HS6ST3: variants seen among roughly 807,000 people sequenced by gnomAD.
HS6ST3 encodes heparan-sulfate 6-O-sulfotransferase 3.
In HS6ST3, 12 loss-of-function variants were observed where a neutral mutation model predicts 36.7. That is an observed-to-expected ratio of 0.33 (90% CI 0.21 to 0.53). The LOEUF is 0.53. Ranked by LOEUF, HS6ST3 falls within the 20% of genes least tolerant of loss-of-function variation. HS6ST3 has a pLI of 0.95. For synonymous variants in HS6ST3, 240 were observed against 257.5 expected, an observed-to-expected ratio of 0.93 and a Z score of 0.65; for missense variants, 584 against 640.9, an observed-to-expected ratio of 0.91 and a Z score of 0.96.
intron 1 of HS6ST3, among the ~76,000 whole-genome samples, chr13:96,700,101 G>T (rs892402546): frequency 2.6e-5 from 4 of 152,098 alleles, no homozygotes; most frequent in Non-Finnish European, 5.9e-5. Context: ...CAGCTCTCCT[G>T]TATTAGTCCA....
chr13:96,646,674 C>T (rs955295494), intron 1 of HS6ST3, among the ~76,000 whole-genome samples: 3 of 151,882 alleles, frequency 2.0e-5, no homozygotes, highest in Non-Finnish European at 4.4e-5. Flanking sequence ...TTTCTCATCC[C>T]TTTATGCCGA....
chr13:96,384,483 G>A (rs1392400610), intron 1 of HS6ST3, among the ~76,000 whole-genome samples: 1 of 152,108 alleles, frequency 6.6e-6, no homozygotes, highest in Non-Finnish European at 1.5e-5. Context: ...GTTTGCCAAT[G>A]AGAGTTTTTT....
intron 1 of HS6ST3, among the ~76,000 whole-genome samples, chr13:96,478,000 A>G (rs768360052): frequency 1.2e-4 from 19 of 152,346 alleles, no homozygotes; most frequent in Non-Finnish European, 2.5e-4. Context: ...CTGGGTATCC[A>G]TAAAACAAAG....
chr13:96,453,180 T>TA lies in HS6ST3; in HGVS notation c.707+361627dup, dbSNP rs56996268. On this transcript the variant is annotated intron_variant, in intron 1 of 1. Transcript: ENST00000376705. ...TTGCCCTGGAGGAAAATGCTCTTTT[T>TA]AAAAAAAAAAAAAAAAGAAAAAAAG... Among the ~76,000 whole-genome samples, 577 of 135,778 alleles carry TA rather than the reference T, an allele frequency of 4.2e-3. 3 individuals carry two copies. Among genetic ancestry groups the TA allele is most frequent in the African/African-American group, 0.01 (372 of 36,662 alleles). The allele number at this position is 135,778 out of a possible 152,430, so 89.1% of individuals were successfully genotyped here.
At chr13:96,094,417 A>G (rs555857787) in intron 1 of HS6ST3, among the ~76,000 whole-genome samples, 4 of 152,204 alleles carry the variant, frequency 2.6e-5, no homozygotes, top group Non-Finnish European at 5.9e-5. Flanking sequence ...GAAGATCTGT[A>G]TAAATGGGTC....
intron 1 of HS6ST3, among the ~76,000 whole-genome samples, chr13:96,766,364 A>G (rs1176103415): frequency 6.6e-6 from 1 of 152,146 alleles, no homozygotes; most frequent in Non-Finnish European, 1.5e-5. Context: ...GTGTGTGCTA[A>G]TTGTCTTTTG....
chr13:96,373,596 C>T (rs2055300650), intron 1 of HS6ST3, among the ~76,000 whole-genome samples: 1 of 152,120 alleles, frequency 6.6e-6, no homozygotes, highest in South Asian at 2.1e-4. Flanking sequence ...TTGCATTCCC[C>T]ACCAATTTGA....
chr13:96,718,744 G>A (rs1401642110), intron 1 of HS6ST3, among the ~76,000 whole-genome samples: 5 of 152,138 alleles, frequency 3.3e-5, no homozygotes, highest in Non-Finnish European at 7.4e-5. Context: ...ATTAAAATGC[G>A]TTAAATGACA....
chr13:96,115,663 G>C lies in HS6ST3; in HGVS notation c.707+24094G>C, dbSNP rs117219281. Among the ~76,000 whole-genome samples, 483 of 152,230 alleles carry C rather than the reference G, an allele frequency of 3.2e-3. 1 individual carries two copies. Among genetic ancestry groups the C allele is most frequent in the Middle Eastern group, 0.017 (5 of 294 alleles). ...CAGTCTATCATTGGGCATTCGGGTT[G>C]GTTCCATGACTTTGCTATTGTAAAT... On this transcript the variant is annotated intron_variant, in intron 1 of 1. Transcript: ENST00000376705.
At chr13:96,653,613 T>C (rs902985158) in intron 1 of HS6ST3, among the ~76,000 whole-genome samples, 1 of 152,198 alleles carries the variant, frequency 6.6e-6, no homozygotes. Context: ...CTATCACTGA[T>C]GGGCATTTGG....
chr13:96,769,773 T>TGCGC (rs34112219), intron 1 of HS6ST3, among the ~76,000 whole-genome samples: 16 of 142,168 alleles, frequency 1.1e-4, no homozygotes, highest in Non-Finnish European at 1.7e-4. Context: ...TGTGTGTGTG[T>TGCGC]GCGCACATAT....
chr13:96,702,365 G>A (rs147809011), intron 1 of HS6ST3, among the ~76,000 whole-genome samples: 1 of 152,344 alleles, frequency 6.6e-6, no homozygotes, highest in Non-Finnish European at 1.5e-5. Context: ...CATTCTGGCA[G>A]TTCAATGTCC....
chr13:96,399,228 C>G lies in HS6ST3; in HGVS notation c.707+307659C>G, dbSNP rs140297860. ...CTATGTTATTAATTTTTAATTAGAG[C>G]AAAATAAAATCTAGTTTTTAATTTT... On this transcript the variant is annotated intron_variant, in intron 1 of 1. Transcript: ENST00000376705. Among the ~76,000 whole-genome samples, 4 of 152,256 alleles carry G rather than the reference C, an allele frequency of 2.6e-5. No individual in the cohort carries two copies. In the East Asian group the frequency reaches 5.8e-4, roughly 22 times the overall value.
intron 1 of HS6ST3, among the ~76,000 whole-genome samples, chr13:96,448,184 C>T (rs1390298501): frequency 2.6e-5 from 4 of 152,160 alleles, no homozygotes; most frequent in Non-Finnish European, 5.9e-5. Flanking sequence ...TATTTTTTCT[C>T]TTGGCACAAA....
At chr13:96,492,610 A>G (rs2055952217) in intron 1 of HS6ST3, among the ~76,000 whole-genome samples, 1 of 152,194 alleles carries the variant, frequency 6.6e-6, no homozygotes, top group African/African-American at 2.4e-5. Flanking sequence ...TAAGAGGGCA[A>G]TTTTATTTTT....
At chr13:96,300,869 A>G (rs1286481832) in intron 1 of HS6ST3, among the ~76,000 whole-genome samples, 1 of 152,220 alleles carries the variant, frequency 6.6e-6, no homozygotes, top group Admixed American at 6.5e-5. Flanking sequence ...TATTTTTAAG[A>G]ATGTTAATTG....
chr13:96,539,836 A>G (rs2056170976), intron 1 of HS6ST3, among the ~76,000 whole-genome samples: 1 of 152,200 alleles, frequency 6.6e-6, no homozygotes, highest in African/African-American at 2.4e-5. Context: ...ATTTGGACAC[A>G]TCCGCTTGTT....
intron 1 of HS6ST3, among the ~76,000 whole-genome samples, chr13:96,513,571 G>T (rs990851947): frequency 6.6e-5 from 10 of 151,892 alleles, no homozygotes; most frequent in African/African-American, 1.9e-4. Flanking sequence ...GCTCTGCCAG[G>T]TTACTTTTTA....
At position 96,804,386 on chromosome 13, in the gene HS6ST3, C is replaced by T. The variant is rs147106957; in HGVS notation, c.708-28104C>T. Among the ~76,000 whole-genome samples the T allele has an allele frequency of 5.3e-3, 808 of 152,096 alleles. 6 individuals are homozygous for T. The highest frequency in any genetic ancestry group is 0.017 in the African/African-American group (722 of 41,490). Reference sequence around the variant, plus strand: ...TGCCTGGAATGGTTAAGGGTGTGGCCGGGAGCTTACCAACACATTTATAAA... The same window carrying T: ...TGCCTGGAATGGTTAAGGGTGTGGCTGGGAGCTTACCAACACATTTATAAA... On this transcript the variant is annotated intron_variant, in intron 1 of 1. Transcript: ENST00000376705.
Sources: gnomAD v4.1 joint callset for allele counts (sites outside exome capture counted in the v4.1 genomes callset) on GRCh38, gnomAD v4.1.1 for gene constraint, MANE v1.5 for transcripts, NCBI Gene and HGNC (gene_info 2026-07-23, HGNC 2026-07-21) for gene names.